PKD1L1: variants seen among roughly 807,000 people sequenced by gnomAD.
PKD1L1 encodes the protein polycystin 1 like 1, transient receptor potential channel interacting.
Under a neutral mutation model 323.4 loss-of-function variants are expected in PKD1L1, and 236 were observed. That is an observed-to-expected ratio of 0.73 (90% CI 0.66 to 0.81). The LOEUF (loss-of-function observed/expected upper bound fraction) is 0.81. PKD1L1 is among the 40% of genes least tolerant of loss of function. PKD1L1 has a pLI of 0.00. For missense variants in PKD1L1, 3,320 were observed against 3,508.0 expected (o/e 0.95, Z 1.35); for synonymous variants, 1,344 against 1,335.0 (o/e 1.01, Z -0.15).
At chr7:47,857,880 A>G (rs763049047) in intron 27 of PKD1L1, 48 bp from the exon 28 acceptor site, 1 of 1,556,752 alleles carries the variant, frequency 6.4e-7, no homozygotes, top group Admixed American at 1.7e-5. Context: ...ACAAATGCAC[A>G]AACTGTCTTG....
chr7:47,889,567 A>C (rs902704245), intron 16 of PKD1L1, among the ~76,000 whole-genome samples: 1 of 151,978 alleles, frequency 6.6e-6, no homozygotes, highest in Non-Finnish European at 1.5e-5. Context: ...TCATGGCTCT[A>C]ATCTTGAAAC....
chr7:47,791,886 CA>C (rs1786956501), intron 56 of PKD1L1, among the ~76,000 whole-genome samples: 1 of 152,194 alleles, frequency 6.6e-6, no homozygotes, highest in Non-Finnish European at 1.5e-5. Flanking sequence ...ATCTTTGGGG[CA>C]TGGCACTCAT....
chr7:47,815,267 CT>C, intron 47 of PKD1L1, 66 bp downstream of exon 47: 1 of 1,564,224 alleles, frequency 6.4e-7, no homozygotes, highest in Non-Finnish European at 8.7e-7. Flanking sequence ...GCATTAGTGA[CT>C]GTTTCACCCA....
At chr7:47,943,169 T>A (rs1239125741) in intron 2 of PKD1L1, among the ~76,000 whole-genome samples, 239 of 33,934 alleles carry the variant, frequency 7.0e-3, no homozygotes, top group Non-Finnish European at 8.1e-3. Context: ...AAAAAATATA[T>A]ATATATATAT....
Position 47,800,896 on chromosome 7 carries a change from C to T in PKD1L1, c.7963-17G>A. On this transcript the variant is annotated splice_polypyrimidine_tract_variant and intron_variant, in intron 53 of 56. Transcript: ENST00000289672. ...CCCCACCAGCTGCAGAAAGAAAATC[C>T]AGAGAGCACTGACCTTGTCACCTCT... 1.2e-6 allele frequency: 2 copies of T among 1,605,660 alleles called. No individual in the cohort carries two copies. The highest frequency in any genetic ancestry group is 1.7e-6 in the Non-Finnish European group (2 of 1,172,616).
chr7:47,792,841 C>A, intron 55 of PKD1L1, 44 bp from the exon 56 acceptor site: 1 of 1,528,040 alleles, frequency 6.5e-7, no homozygotes, highest in Non-Finnish European at 9.0e-7. Flanking sequence ...TCAAGAATCT[C>A]ATTATCCCCC....
chr7:47,910,826 T>TTTTTTTTGTGTGTGTG (rs762737755), intron 8 of PKD1L1, among the ~76,000 whole-genome samples: 1 of 126,082 alleles, frequency 7.9e-6, no homozygotes, highest in African/African-American at 3.3e-5. Flanking sequence ...CCAGCTGATT[T>TTTTTTTTGTGTGTGTG]TGTGTGTGTG....
At chr7:47,898,935 T>C (rs1787018750) in intron 13 of PKD1L1, among the ~76,000 whole-genome samples, 1 of 151,958 alleles carries the variant, frequency 6.6e-6, no homozygotes, top group Non-Finnish European at 1.5e-5. Context: ...AAAATTTTCT[T>C]ATCAACTAGA....
chr7:47,897,851 A>T, intron 14 of PKD1L1, 137 bp downstream of exon 14: 1 of 620,630 alleles, frequency 1.6e-6, no homozygotes, highest in Non-Finnish European at 2.6e-6. Context: ...AATCCAATGC[A>T]GATTTTTTTT....
Position 47,803,405 on chromosome 7 carries a change from T to G in PKD1L1, c.7828-61A>C, listed in dbSNP as rs1462542853. 3.8e-6 allele frequency: 6 copies of G among 1,584,036 alleles called. No homozygotes were observed. In the East Asian group the frequency reaches 1.3e-4, roughly 35 times the overall value. Reference sequence around the variant, plus strand: ...CCAGTCACTGAAAGGTGCAGACATATTCACAGCTGTCAGTCATGCATAAAG... The same window carrying G: ...CCAGTCACTGAAAGGTGCAGACATAGTCACAGCTGTCAGTCATGCATAAAG... On this transcript the variant is annotated intron_variant, in intron 52 of 56. Coordinates refer to ENST00000289672, the MANE Select transcript of PKD1L1 (RefSeq NM_138295.5).
upstream of PKD1L1, among the ~76,000 whole-genome samples, chr7:47,952,298 T>C (rs1485188552): frequency 1.3e-5 from 2 of 152,202 alleles, no homozygotes; most frequent in Non-Finnish European, 2.9e-5. Flanking sequence ...GGGGCAAGGC[T>C]GCGATCAGCC....
rs13228166 is a variant in PKD1L1 at position 47,854,728 on chromosome 7, A to G, written c.4859+154T>C. Among the ~76,000 whole-genome samples the G allele has an allele frequency of 0.6, 90,752 of 152,072 alleles. 27,580 individuals carry two copies. The highest frequency in any genetic ancestry group is 0.63 in the African/African-American group (26,047 of 41,494). Reference sequence around the variant, plus strand: ...AAAAACCAAAGTCAGGAAGCTTAGCATCCAAACAGCAGAATAGATAACAAT... The same window carrying G: ...AAAAACCAAAGTCAGGAAGCTTAGCGTCCAAACAGCAGAATAGATAACAAT... On this transcript the variant is annotated intron_variant, in intron 30 of 56. Coordinates refer to ENST00000289672, the MANE Select transcript of PKD1L1 (RefSeq NM_138295.5).
chr7:47,950,729 G>C (rs574161549), upstream of PKD1L1, among the ~76,000 whole-genome samples: 58 of 151,962 alleles, frequency 3.8e-4, no homozygotes, highest in East Asian at 2.1e-3. Context: ...AAAAGAATTA[G>C]CTTTAGCTTC....
chr7:47,802,191 CA>C (rs5884026), intron 53 of PKD1L1, among the ~76,000 whole-genome samples: 53,715 of 105,522 alleles, frequency 0.51, 11,513 homozygotes, highest in Middle Eastern at 0.58. Context: ...GACTCTATCT[CA>C]AAAAAAAAAA....
intron 21 of PKD1L1, among the ~76,000 whole-genome samples, chr7:47,877,932 G>C (rs1370431032): frequency 6.6e-6 from 1 of 151,780 alleles, no homozygotes; most frequent in Admixed American, 6.6e-5. Flanking sequence ...CACTGGGTGG[G>C]GCAGGTACTA....
At chr7:47,802,422 C>CT (rs1256026234) in intron 53 of PKD1L1, among the ~76,000 whole-genome samples, 2 of 152,188 alleles carry the variant, frequency 1.3e-5, no homozygotes, top group Non-Finnish European at 2.9e-5. Flanking sequence ...CTCTCTGACT[C>CT]TCAGGTTCGT....
At chr7:47,915,667 T>C in intron 7 of PKD1L1, 68 bp from the exon 8 acceptor site, 1 of 1,008,698 alleles carries the variant, frequency 9.9e-7, no homozygotes, top group Non-Finnish European at 1.4e-6. Context: ...AAATGTGGAA[T>C]AAACAAAATC....
chr7:47,902,517 A>G lies in PKD1L1; in HGVS notation c.1932-6T>C. 6.2e-7 allele frequency: 1 copy of G among 1,613,654 alleles called. No individual in the cohort carries two copies. Among genetic ancestry groups the G allele is most frequent in the Non-Finnish European group, 8.5e-7 (1 of 1,179,824 alleles). On this transcript the variant is annotated splice_polypyrimidine_tract_variant and splice_region_variant and intron_variant, in intron 12 of 56. Transcript: ENST00000289672. The stretch of plus-strand genomic sequence containing the variant: ...CCACTGTAAATTCTCCTTCCCTGGG[A>G]CGGTGGAAAGCACAGAAATGAACAA...
rs140257069 is a variant in PKD1L1 at position 47,845,066 on chromosome 7, G to C, written c.5166C>G (p.Leu1722=). The C allele has an allele frequency of 2.5e-6, 4 of 1,613,526 alleles. No homozygotes were observed. The Middle Eastern group carries it at 4.9e-4, about 199-fold the overall frequency. Residue 1722 remains leucine (L), a synonymous_variant, in exon 33 of 57, where the codon CTC becomes CTG. Transcript: ENST00000289672. ...PEKVNCSYHR[L]AAFALLRRKL... is the part of the protein sequence containing the mutation. ...TTCTCCTTAGGAGAGCGAATGCCGC[G>C]AGGCGATGGTAGCTAGGAGGGAAAT...
Sources: allele counts gnomAD v4.1 joint callset (sites outside exome capture counted in the v4.1 genomes callset), GRCh38; gene constraint gnomAD v4.1.1; transcripts MANE v1.5; gene names NCBI Gene and HGNC (gene_info 2026-07-23, HGNC 2026-07-21).